Variants in SHANK2 observed in about 807,000 individuals in gnomAD.
SHANK2 encodes the protein SH3 and multiple ankyrin repeat domains 2.
A neutral mutation model predicts 133.7 loss-of-function variants in SHANK2; 43 were observed. The ratio of observed to expected loss-of-function variants is 0.32; its 90% CI spans 0.25 to 0.41. The LOEUF is 0.41. SHANK2 is among the 10% of genes least tolerant of loss of function. SHANK2 has a pLI of 1.00. For missense variants in SHANK2, 1,994 were observed against 2,235.8 expected (o/e 0.89, Z 2.18); for synonymous variants, 1,017 against 952.8 (o/e 1.07, Z -1.24).
At chr11:70,917,036 G>A (rs901774697) in intron 10 of SHANK2, among the ~76,000 whole-genome samples, 2 of 152,262 alleles carry the variant, frequency 1.3e-5, no homozygotes, top group African/African-American at 4.8e-5. Flanking sequence ...GAGGGAAAGC[G>A]ACCAAGAGAA....
chr11:70,502,031 G>T, intron 19 of SHANK2, 100 bp from the exon 20 acceptor site: 1 of 1,390,446 alleles, frequency 7.2e-7, no homozygotes, highest in South Asian at 1.2e-5. Context: ...TCCGAGGGAG[G>T]TGCACACATG....
chr11:70,937,279 G>A (rs782522001), intron 10 of SHANK2, among the ~76,000 whole-genome samples: 15 of 152,172 alleles, frequency 9.9e-5, no homozygotes, highest in East Asian at 1.9e-4. Flanking sequence ...AACAAGTGAC[G>A]GGAGCACAGA....
chr11:70,699,816 G>A (rs1278209845), intron 14 of SHANK2, among the ~76,000 whole-genome samples: 1 of 152,216 alleles, frequency 6.6e-6, no homozygotes, highest in Non-Finnish European at 1.5e-5. Context: ...AAGGAGGCAG[G>A]TGTTGAGCCC....
At chr11:70,839,787 T>A (rs1262440173) in intron 11 of SHANK2, among the ~76,000 whole-genome samples, 1 of 152,180 alleles carries the variant, frequency 6.6e-6, no homozygotes, top group East Asian at 1.9e-4. Flanking sequence ...GTTCTCCACC[T>A]CAGTTCTTCA....
Position 70,845,927 on chromosome 11 carries a change from C to T in SHANK2, c.1175-25245G>A, listed in dbSNP as rs73532098. 2.4e-3 allele frequency among the ~76,000 whole-genome samples: 370 copies of T among 152,246 alleles called. 1 individual carries two copies. The highest frequency in any genetic ancestry group is 8.7e-3 in the African/African-American group (360 of 41,536). ...CAAGCAACGCACTGGGGGCAGGAAA[C>T]GGAGCCGTCAGAGGAAAGCACCCCA... On this transcript the variant is annotated intron_variant, in intron 11 of 25. Transcript: ENST00000601538.
At chr11:70,620,340 T>G (rs976150243) in intron 17 of SHANK2, among the ~76,000 whole-genome samples, 1 of 152,172 alleles carries the variant, frequency 6.6e-6, no homozygotes, top group Non-Finnish European at 1.5e-5. Context: ...AAAAATGTAA[T>G]TGTTTTGTGC....
At chr11:71,091,311 C>T (rs1411305983) in intron 8 of SHANK2, among the ~76,000 whole-genome samples, 5 of 152,260 alleles carry the variant, frequency 3.3e-5, no homozygotes, top group South Asian at 2.1e-4. Flanking sequence ...GCAGGGCCGA[C>T]GATGAACCAG....
intron 11 of SHANK2, among the ~76,000 whole-genome samples, chr11:70,866,346 G>C (rs1359778070): frequency 6.6e-6 from 1 of 152,144 alleles, no homozygotes; most frequent in Non-Finnish European, 1.5e-5. Flanking sequence ...ACAGAAAATG[G>C]AAGTTGGGAA....
intron 14 of SHANK2, among the ~76,000 whole-genome samples, chr11:70,733,174 AGAG>A (rs1946326144): frequency 6.6e-6 from 1 of 151,970 alleles, no homozygotes; most frequent in East Asian, 1.9e-4. Flanking sequence ...TGAAGCGTGG[AGAG>A]GAGGGACTGT....
At chr11:70,565,654 T>A (rs1218012536) in intron 17 of SHANK2, among the ~76,000 whole-genome samples, 3 of 152,222 alleles carry the variant, frequency 2.0e-5, no homozygotes, top group African/African-American at 7.2e-5. Context: ...ATAGGGCTCA[T>A]CCCATCTGTT....
rs1949680027 is a variant in SHANK2 at position 70,882,946 on chromosome 11, C to T, written c.1174+13555G>A. 6.6e-6 allele frequency among the ~76,000 whole-genome samples: 1 copy of T among 152,070 alleles called. No individual in the cohort carries two copies. Among genetic ancestry groups the T allele is most frequent in the Non-Finnish European group, 1.5e-5 (1 of 68,006 alleles). On this transcript the variant is annotated intron_variant, in intron 11 of 25. Coordinates refer to ENST00000601538, the MANE Select transcript of SHANK2 (RefSeq NM_012309.5). This position sits in a 1 kb window ranked among gnomAD's most constrained non-coding sequence, Gnocchi z 4.2. ...CAGGTGGAGGTGAGGGCGGGCTTGC[C>T]TGCGGCCTGTGGGAGGGGAGGGCAG...
At chr11:70,852,792 G>A (rs551670700) in intron 11 of SHANK2, among the ~76,000 whole-genome samples, 3 of 152,298 alleles carry the variant, frequency 2.0e-5, no homozygotes, top group South Asian at 2.1e-4. Context: ...GTGGTGAGCC[G>A]AGATCATGCC....
intron 10 of SHANK2, among the ~76,000 whole-genome samples, chr11:70,951,729 C>G (rs1950848013): frequency 6.6e-6 from 1 of 152,222 alleles, no homozygotes; most frequent in African/African-American, 2.4e-5. Flanking sequence ...GTTCTGGAGG[C>G]CAGAAGTCTG....
At chr11:71,231,653 C>T (rs377029036) in intron 1 of SHANK2, among the ~76,000 whole-genome samples, 1 of 152,158 alleles carries the variant, frequency 6.6e-6, no homozygotes, top group Non-Finnish European at 1.5e-5. Flanking sequence ...CTTGGGAGGC[C>T]AAGGTAGGTG....
intron 13 of SHANK2, among the ~76,000 whole-genome samples, chr11:70,805,636 C>T (rs1555051655): frequency 6.6e-6 from 1 of 152,184 alleles, no homozygotes; most frequent in Admixed American, 6.5e-5. Flanking sequence ...GTGGCAATTA[C>T]ACCAACCTAC....
intron 14 of SHANK2, among the ~76,000 whole-genome samples, chr11:70,754,764 G>C (rs1239645059): frequency 6.6e-6 from 1 of 152,156 alleles, no homozygotes; most frequent in African/African-American, 2.4e-5. Context: ...GCAGGAGAGG[G>C]AGGACAAGGA....
intron 14 of SHANK2, among the ~76,000 whole-genome samples, chr11:70,767,946 G>C (rs536972432): frequency 6.6e-6 from 1 of 152,076 alleles, no homozygotes; most frequent in Non-Finnish European, 1.5e-5. Context: ...TACCACCAGG[G>C]GTCCTCTGGG....
At chr11:71,128,156 C>T (rs1234509829) in intron 3 of SHANK2, among the ~76,000 whole-genome samples, 1 of 152,190 alleles carries the variant, frequency 6.6e-6, no homozygotes, top group Admixed American at 6.5e-5. Flanking sequence ...CCATGAGTCT[C>T]GGCCTCTTCA....
At chr11:70,775,175 T>C (rs997380630) in intron 14 of SHANK2, among the ~76,000 whole-genome samples, 4 of 151,024 alleles carry the variant, frequency 2.6e-5, no homozygotes, top group African/African-American at 4.9e-5. Context: ...GAGAAAAAAT[T>C]GGCTGGGTGT....
Sources: allele counts gnomAD v4.1 joint callset (sites outside exome capture counted in the v4.1 genomes callset), GRCh38; gene constraint gnomAD v4.1.1; non-coding constraint Gnocchi (gnomAD v3.1); transcripts MANE v1.5; gene names NCBI Gene and HGNC (gene_info 2026-07-23, HGNC 2026-07-21).